RAPGEF3: variants seen among roughly 807,000 people sequenced by gnomAD.
The protein encoded by RAPGEF3 is 9330170P05Rik.
RAPGEF3 carries 103 observed loss-of-function variants against 129.8 expected under a neutral mutation model. That is an observed-to-expected ratio of 0.79 (90% CI 0.68 to 0.93). The LOEUF (loss-of-function observed/expected upper bound fraction) is 0.93, where lower values mean the gene tolerates loss of function less well. RAPGEF3 is among the 40% of genes least tolerant of loss of function. RAPGEF3 has a pLI of 0.00. For synonymous variants in RAPGEF3, 436 were observed against 482.6 expected, an observed-to-expected ratio of 0.90 and a Z score of 1.26; for missense variants, 1,117 against 1,207.4, an observed-to-expected ratio of 0.93 and a Z score of 1.11.
In RAPGEF3 at chr12:47,736,006, G is replaced by C. The variant is rs1940788804; in HGVS notation, c.*1561C>G. The C allele has an allele frequency of 6.6e-6, 1 of 152,312 alleles. No individual in the cohort carries two copies. 9.4% of individuals were successfully genotyped at this position (152,312 alleles called of 1,614,324 possible). ...TCCCTCAGCCCTCAACTGAGGCGAG[G>C]CTGCCCCCCTACCAGGCCTGGATAG... On this transcript the variant is annotated 3_prime_UTR_variant, in exon 28 of 28. Transcript: ENST00000449771.
chr12:47,737,749 C>T (rs1940868387), intron 27 of RAPGEF3, 64 bp from the exon 28 acceptor site: 2 of 1,454,608 alleles, frequency 1.4e-6, no homozygotes, highest in African/African-American at 1.4e-5. Flanking sequence ...CTTTCCCCTC[C>T]AAGGAGCCAT....
chr12:47,749,801 GT>G lies in RAPGEF3; in HGVS notation c.833del (p.Asp278AlafsTer17). The G allele has an allele frequency of 1.2e-6, 2 of 1,614,184 alleles. No homozygotes were observed. Among genetic ancestry groups the G allele is most frequent in the East Asian group, 2.2e-5 (1 of 44,886 alleles). ...AGATAATGTACCACGAAGTGCCCTT[GT>G]CCCCCTGGCTGAACACTGACAGAAG... ...KAGTVLFSQG[D>X]KGTSWYIIWK... On this transcript the variant is annotated frameshift_variant, in exon 9 of 28. Coordinates refer to ENST00000449771, the MANE Select transcript of RAPGEF3 (RefSeq NM_001098531.4). LOFTEE classifies it high-confidence loss of function. The surrounding 1 kb of genome is among the most constrained non-coding windows in gnomAD (Gnocchi z 4.5).
rs749472703 is a variant in RAPGEF3 at position 47,738,186 on chromosome 12, C to G, written c.2581+7G>C. 3 of 1,613,948 alleles carry G rather than the reference C, an allele frequency of 1.9e-6. No individual in the cohort carries two copies. In the South Asian group the frequency reaches 3.3e-5, roughly 18 times the overall value. ...GGACCTCCCACCCCGGGGACCCGCC[C>G]TCTCACCAGGGTTGTGGCTTCGGCA... On this transcript the variant is annotated splice_region_variant and intron_variant, in intron 26 of 27. Transcript: ENST00000449771.
At chr12:47,738,583 A>T (rs1940942011) in intron 25 of RAPGEF3, 107 bp downstream of exon 25, 6 of 992,730 alleles carry the variant, frequency 6.0e-6, no homozygotes, top group Non-Finnish European at 9.6e-6. Flanking sequence ...TCATCCTCAT[A>T]TTATTCATAA....
In RAPGEF3 at chr12:47,735,525, C is replaced by T. The variant is rs1940771925; in HGVS notation, c.*2042G>A. 6.6e-6 allele frequency: 1 copy of T among 152,408 alleles called. No homozygotes were observed. Among genetic ancestry groups the T allele is most frequent in the Non-Finnish European group, 1.5e-5 (1 of 68,210 alleles). The allele number at this position is 152,408 out of a possible 1,614,324, so 9.4% of individuals were successfully genotyped here. The stretch of plus-strand genomic sequence containing the variant: ...CCTCTTGCCTGCCCTGGGCACCATT[C>T]TCCTGGCAAGGTCTCTCCCAACAGG... On this transcript the variant is annotated 3_prime_UTR_variant, in exon 28 of 28. Transcript: ENST00000449771.
At position 47,746,511 on chromosome 12, in the gene RAPGEF3, G is replaced by T. The variant is rs1941424473; in HGVS notation, c.1596+349C>A. On this transcript the variant is annotated intron_variant, in intron 16 of 27. Transcript: ENST00000449771. ...CCTCGCCTTCCTCTGAGCTCCCACA[G>T]CACTGGCCACCAGGAGCCCCGTGGG... 6 of 627,484 alleles carry T rather than the reference G, an allele frequency of 9.6e-6. No homozygotes were observed. In the South Asian group the frequency reaches 1.1e-4, roughly 12 times the overall value. The allele number at this position is 627,484 out of a possible 1,614,324, so 38.9% of individuals were successfully genotyped here.
chr12:47,748,745 C>T, intron 11 of RAPGEF3, 74 bp downstream of exon 11: 2 of 1,242,260 alleles, frequency 1.6e-6, no homozygotes, highest in Non-Finnish European at 2.4e-6. Flanking sequence ...AGGGATATGA[C>T]ACAGGGGAAG....
At chr12:47,744,984 T>G (rs1941349667) in intron 16 of RAPGEF3, 1 of 152,680 alleles carries the variant, frequency 6.5e-6, no homozygotes. Context: ...TCACACTCCA[T>G]ATACCCATCG....
chr12:47,751,691 C>A, intron 4 of RAPGEF3, 32 bp downstream of exon 4: 2 of 1,608,482 alleles, frequency 1.2e-6, no homozygotes, highest in Middle Eastern at 3.3e-4. Flanking sequence ...AGCAGTGAGG[C>A]TGGGCAAGGA....
At chr12:47,739,444 A>G in intron 23 of RAPGEF3, 1 of 698,266 alleles carries the variant, frequency 1.4e-6, no homozygotes. Flanking sequence ...GCAGTTAGTC[A>G]CAGGGGCCCC....
At chr12:47,756,891 C>T (rs931658365) in intron 2 of RAPGEF3, among the ~76,000 whole-genome samples, 3 of 151,824 alleles carry the variant, frequency 2.0e-5, no homozygotes, top group African/African-American at 7.3e-5. Flanking sequence ...ATCACTTGAA[C>T]CTGGGAGGCA....
At chr12:47,737,799 CT>C in intron 27 of RAPGEF3, 114 bp from the exon 28 acceptor site, 5 of 1,144,022 alleles carry the variant, frequency 4.4e-6, no homozygotes, top group Non-Finnish European at 6.5e-6. Flanking sequence ...CCACCAACCA[CT>C]TCCCATCACC....
chr12:47,743,797 A>T, intron 17 of RAPGEF3, 121 bp from the exon 18 acceptor site: 1 of 1,434,272 alleles, frequency 7.0e-7, no homozygotes, highest in Non-Finnish European at 9.6e-7. Context: ...GCAGGTGGGG[A>T]GGCCCTGAGC....
At position 47,744,028 on chromosome 12, in the gene RAPGEF3, G is replaced by A. The variant is rs181245276; in HGVS notation, c.1637C>T (p.Pro546Leu). 1 of 1,612,368 alleles carries A rather than the reference G, an allele frequency of 6.2e-7. No homozygotes were observed. The highest frequency in any genetic ancestry group is 1.7e-5 in the Admixed American group (1 of 60,008). The change falls in exon 17 of 28, where the codon CCC (proline) becomes CTC (leucine). Residue 546 changes from proline to leucine, a missense_variant. Transcript: ENST00000449771. ...LPVWLPNQDEPLPGSSCAIQV... is the reference protein window; with the variant it reads ...LPVWLPNQDELLPGSSCAIQV... ...GATGGCACAGCTGCTGCCAGGAAGG[G>A]GCTCGTCCTGGTTGGGGAGCCAAAC...
At position 47,758,834 on chromosome 12, in the gene RAPGEF3, C is replaced by T; in HGVS notation, c.-278G>A. 8.2e-7 allele frequency: 1 copy of T among 1,212,766 alleles called. No homozygotes were observed. Among genetic ancestry groups the T allele is most frequent in the African/African-American group, 1.6e-5 (1 of 64,138 alleles). The allele number at this position is 1,212,766 out of a possible 1,614,324, so 75.1% of individuals were successfully genotyped here. ...GAGCCCCGAGCCTGCGCCTTCGTCT[C>T]AGACGAAGGAGCCAGCTGGCACCGG... On this transcript the variant is annotated 5_prime_UTR_variant, in exon 1 of 28. Transcript: ENST00000449771.
At position 47,738,795 on chromosome 12, in the gene RAPGEF3, T is replaced by C. The variant is rs376634878; in HGVS notation, c.2462-41A>G. The C allele has an allele frequency of 1.1e-5, 17 of 1,537,146 alleles. No individual in the cohort carries two copies. The African/African-American group carries it at 2.2e-4, about 20-fold the overall frequency. Reference sequence around the variant, plus strand: ...TTTTGTTCATAGGTCCCCAAACTTCTGCCCTCCTGTAGCCCAGAAAAGGTG... The same window carrying C: ...TTTTGTTCATAGGTCCCCAAACTTCCGCCCTCCTGTAGCCCAGAAAAGGTG... On this transcript the variant is annotated intron_variant, in intron 24 of 27. Coordinates refer to ENST00000449771, the MANE Select transcript of RAPGEF3 (RefSeq NM_001098531.4).
chr12:47,752,205 A>G (rs1464986904), intron 2 of RAPGEF3, among the ~76,000 whole-genome samples: 3 of 152,130 alleles, frequency 2.0e-5, no homozygotes, highest in African/African-American at 7.2e-5. Context: ...GCCTCCCTAC[A>G]GTTGAGAGCC....
rs547444177 is a variant in RAPGEF3, at chr12:47,747,354, G to A, written c.1556+190C>T. ...TATGAGAATGAATAAATGAATGAGT[G>A]CCTGATGCATGAGAATGGAGGGACA... On this transcript the variant is annotated intron_variant, in intron 15 of 27. Coordinates refer to ENST00000449771, the MANE Select transcript of RAPGEF3 (RefSeq NM_001098531.4). 1.4e-4 allele frequency among the ~76,000 whole-genome samples: 21 copies of A among 152,294 alleles called. 1 individual carries two copies. The South Asian group carries it at 4.3e-3, about 32-fold the overall frequency.
rs1329415599 is a variant in RAPGEF3 at position 47,747,645 on chromosome 12, C to A, written c.1474-19G>T. 2 of 1,613,550 alleles carry A rather than the reference C, an allele frequency of 1.2e-6. No homozygotes were observed. The highest frequency in any genetic ancestry group is 2.2e-5 in the East Asian group (1 of 44,868). ...AGAGTTTCTAAGAAGAGCCAAGATTCACTGAGATGGCTGTAGCTGCATCCA... is the reference window on the plus strand; with the variant it reads ...AGAGTTTCTAAGAAGAGCCAAGATTAACTGAGATGGCTGTAGCTGCATCCA... On this transcript the variant is annotated intron_variant, in intron 14 of 27. Coordinates refer to ENST00000449771, the MANE Select transcript of RAPGEF3 (RefSeq NM_001098531.4).
Sources: allele counts gnomAD v4.1 joint callset (sites outside exome capture counted in the v4.1 genomes callset), GRCh38; gene constraint gnomAD v4.1.1; non-coding constraint Gnocchi (gnomAD v3.1); transcripts MANE v1.5; gene names NCBI Gene and HGNC (gene_info 2026-07-23, HGNC 2026-07-21).